Variants in SNTG1 observed in about 807,000 individuals in gnomAD.
SNTG1 encodes the protein gamma-1-syntrophin.
SNTG1 carries 39 observed loss-of-function variants against 74.7 expected under a neutral mutation model. The observed-to-expected ratio is 0.52, with a 90% confidence interval of 0.40 to 0.68. SNTG1 has a LOEUF of 0.68. Ranked by LOEUF, SNTG1 falls within the 30% of genes least tolerant of loss-of-function variation. SNTG1 has a pLI of 0.00. For synonymous variants in SNTG1, 254 were observed against 217.1 expected (o/e 1.17, Z -1.49); for missense variants, 685 against 609.5 (o/e 1.12, Z -1.30).
At chr8:50,558,569 T>C (rs1159052955) in intron 12 of SNTG1, among the ~76,000 whole-genome samples, 1 of 152,170 alleles carries the variant, frequency 6.6e-6, no homozygotes, top group Non-Finnish European at 1.5e-5. Context: ...TGTTCTCAGA[T>C]AGTTAGTTGC....
At chr8:50,285,840 T>C (rs2088745918) in intron 2 of SNTG1, among the ~76,000 whole-genome samples, 1 of 152,094 alleles carries the variant, frequency 6.6e-6, no homozygotes. Context: ...AAGGTGCTTA[T>C]TAACGTGACA....
intron 1 of SNTG1, among the ~76,000 whole-genome samples, chr8:50,117,005 A>G (rs1003403409): frequency 6.6e-6 from 1 of 152,132 alleles, no homozygotes; most frequent in Admixed American, 6.6e-5. Flanking sequence ...GCTAGGACTC[A>G]TTTTCTCAGT....
chr8:50,006,210 C>G (rs914889568), intron 1 of SNTG1, among the ~76,000 whole-genome samples: 1 of 152,074 alleles, frequency 6.6e-6, no homozygotes, highest in Non-Finnish European at 1.5e-5. Flanking sequence ...ATCCACCGGC[C>G]TCAGCCTCCC....
chr8:50,300,089 C>G (rs1440228504), intron 2 of SNTG1, among the ~76,000 whole-genome samples: 2 of 152,040 alleles, frequency 1.3e-5, no homozygotes, highest in Non-Finnish European at 2.9e-5. Flanking sequence ...ATCTCATTCA[C>G]AAAAGAGGAA....
At chr8:49,996,033 A>G (rs1295374293) in intron 1 of SNTG1, among the ~76,000 whole-genome samples, 1 of 152,204 alleles carries the variant, frequency 6.6e-6, no homozygotes, top group Non-Finnish European at 1.5e-5. Context: ...ACAGAAAAAG[A>G]TGAAACCTTA....
intron 2 of SNTG1, among the ~76,000 whole-genome samples, chr8:50,380,251 T>C (rs2092458845): frequency 6.6e-6 from 1 of 152,240 alleles, no homozygotes; most frequent in African/African-American, 2.4e-5. Flanking sequence ...CAAGTGACTG[T>C]AACCATTGTT....
chr8:50,113,839 A>G (rs1328553645), intron 1 of SNTG1, among the ~76,000 whole-genome samples: 1 of 152,178 alleles, frequency 6.6e-6, no homozygotes, highest in African/African-American at 2.4e-5. Flanking sequence ...CAGCACACCA[A>G]CATGGCACAT....
chr8:50,733,786 C>T lies in SNTG1; in HGVS notation c.1285-18215C>T, dbSNP rs185697750. On this transcript the variant is annotated intron_variant, in intron 17 of 18. Coordinates refer to ENST00000642720, the MANE Select transcript of SNTG1 (RefSeq NM_018967.5). ...ATTTTTTAATGGAGTTTTTTCTTTT[C>T]TTTATCAGGTGCTTAGAGTTTTTCT... Among the ~76,000 whole-genome samples, 334 of 151,348 alleles carry T rather than the reference C, an allele frequency of 2.2e-3. 2 individuals carry two copies. The highest frequency in any genetic ancestry group is 7.7e-3 in the African/African-American group (317 of 41,402).
chr8:50,659,404 G>T (rs1489259126), intron 15 of SNTG1, among the ~76,000 whole-genome samples: 1 of 152,126 alleles, frequency 6.6e-6, no homozygotes, highest in Non-Finnish European at 1.5e-5. Context: ...CCTTGTTTCT[G>T]TATCCAAGGG....
At position 50,728,107 on chromosome 8, in the gene SNTG1, G is replaced by A. The variant is rs567522870; in HGVS notation, c.1284+19129G>A. Among the ~76,000 whole-genome samples, 14 of 152,196 alleles carry A rather than the reference G, an allele frequency of 9.2e-5. No homozygotes were observed. In the East Asian group the frequency reaches 1.2e-3, roughly 13 times the overall value. On this transcript the variant is annotated intron_variant, in intron 17 of 18. Transcript: ENST00000642720. ...CAACCTGTCCTAAATCCACCTCTTC[G>A]TTCTCTGACCCATGTAGTCTACCTA...
chr8:50,487,833 TA>T (rs60801957), intron 8 of SNTG1, among the ~76,000 whole-genome samples: 20,213 of 149,036 alleles, frequency 0.14, 2,290 homozygotes, highest in African/African-American at 0.32. Context: ...ACTTAAAGTA[TA>T]AAAAAAAAGT....
chr8:50,388,756 C>T lies in SNTG1; in HGVS notation c.-27-5456C>T, dbSNP rs368405953. Among the ~76,000 whole-genome samples the T allele has an allele frequency of 3.9e-5, 6 of 152,188 alleles. No individual in the cohort carries two copies. The East Asian group carries it at 5.8e-4, about 15-fold the overall frequency. The stretch of plus-strand genomic sequence containing the variant: ...CAACTTATTTGATGAGACCCACCCA[C>T]ATTATTGAAAATAGTCTCCATTATT... On this transcript the variant is annotated intron_variant, in intron 2 of 18. Transcript: ENST00000642720.
chr8:50,762,885 A>G, intron 18 of SNTG1: 2 of 299,106 alleles, frequency 6.7e-6, no homozygotes, highest in South Asian at 2.9e-5. Flanking sequence ...CTATTTTTAA[A>G]TGTTTTCCCC....
intron 18 of SNTG1, among the ~76,000 whole-genome samples, chr8:50,759,088 G>A (rs2095589811): frequency 6.6e-6 from 1 of 151,960 alleles, no homozygotes; most frequent in African/African-American, 2.4e-5. Context: ...TTTCATGTCT[G>A]TTGGCTGCAT....
At chr8:50,605,726 G>A (rs1235375198) in intron 13 of SNTG1, among the ~76,000 whole-genome samples, 1 of 152,000 alleles carries the variant, frequency 6.6e-6, no homozygotes, top group Non-Finnish European at 1.5e-5. Context: ...CCTGATTTTT[G>A]GTTCTTTCAA....
intron 13 of SNTG1, among the ~76,000 whole-genome samples, chr8:50,636,515 G>A (rs931214607): frequency 3.9e-5 from 6 of 152,070 alleles, no homozygotes; most frequent in Admixed American, 6.5e-5. Flanking sequence ...TCCTCCGTGG[G>A]CATCAGCTGA....
intron 1 of SNTG1, among the ~76,000 whole-genome samples, chr8:50,023,323 T>C (rs1019359663): frequency 5.3e-5 from 8 of 152,066 alleles, no homozygotes; most frequent in African/African-American, 1.9e-4. Context: ...ATGGCCCAAG[T>C]TTGGGGAGAC....
chr8:50,794,751 G>A lies in SNTG1; in HGVS notation c.*1922G>A, dbSNP rs977725499. The A allele has an allele frequency of 6.6e-6, 1 of 151,860 alleles. No homozygotes were observed. Among genetic ancestry groups the A allele is most frequent in the Non-Finnish European group, 1.5e-5 (1 of 67,932 alleles). 9.4% of individuals were successfully genotyped at this position (151,860 alleles called of 1,614,324 possible). A position where few individuals can be genotyped will look rare whatever the true frequency, so the allele number is the denominator to read the frequency against. On this transcript the variant is annotated 3_prime_UTR_variant, in exon 19 of 19. Transcript: ENST00000642720. ...TGAATCTCAGTGTGCCCCATATTGG[G>A]GTTACATGAATGTGTCCACAATCTG...
intron 2 of SNTG1, among the ~76,000 whole-genome samples, chr8:50,337,225 G>A (rs897584017): frequency 2.0e-4 from 30 of 152,138 alleles, no homozygotes; most frequent in African/African-American, 5.1e-4. Flanking sequence ...AAACCACCAC[G>A]CCTAAAACTG....
Sources: gnomAD v4.1 joint callset for allele counts (sites outside exome capture counted in the v4.1 genomes callset) on GRCh38, gnomAD v4.1.1 for gene constraint, MANE v1.5 for transcripts, NCBI Gene and HGNC (gene_info 2026-07-23, HGNC 2026-07-21) for gene names.